The following PIR variants were observed in gnomAD, a reference collection of about 807,000 sequenced individuals.
PIR encodes the protein pirin.
PIR carries 22 observed loss-of-function variants against 24.2 expected under a neutral mutation model. That is an observed-to-expected ratio of 0.91 (90% confidence interval 0.65 to 1.30). The LOEUF is 1.30. PIR is among the 50% of genes most tolerant of loss of function. The pLI is 0.00. For synonymous variants in PIR, 80 were observed against 79.6 expected (o/e 1.00, Z -0.03); for missense variants, 220 against 220.3 (o/e 1.00, Z 0.01).
At chrX:15,404,723 A>G (rs151332440) in intron 7 of PIR, among the ~76,000 whole-genome samples, 9,548 of 111,566 alleles carry the variant, frequency 0.086, 389 homozygotes, top group Non-Finnish European at 0.13. Flanking sequence ...TTTTTCCCTG[A>G]TGATTTGTTC....
At chrX:15,417,483 C>T (rs930861473) in intron 6 of PIR, among the ~76,000 whole-genome samples, 2 of 111,667 alleles carry the variant, frequency 1.8e-5, no homozygotes, top group African/African-American at 6.5e-5. Context: ...AGCTCCTTTC[C>T]TTTTTTTTCC....
intron 8 of PIR, among the ~76,000 whole-genome samples, chrX:15,393,449 G>A (rs991058177): frequency 9.0e-6 from 1 of 111,224 alleles, no homozygotes; most frequent in African/African-American, 3.3e-5. Flanking sequence ...TGAATCTAAG[G>A]CATGGGTCCC....
chrX:15,402,231 AAAAG>A (rs1924412336), intron 7 of PIR, among the ~76,000 whole-genome samples: 1 of 111,472 alleles, frequency 9.0e-6, no homozygotes, highest in African/African-American at 3.3e-5. Flanking sequence ...TGAATGCAAA[AAAAG>A]AAAGAAAGAA....
chrX:15,408,440 A>T (rs1364628053), intron 6 of PIR, among the ~76,000 whole-genome samples: 1 of 111,714 alleles, frequency 9.0e-6, no homozygotes, highest in Non-Finnish European at 1.9e-5. Context: ...AATTGTTCAC[A>T]GTTTTTCAAG....
At chrX:15,438,621 C>T (rs183886160) in intron 5 of PIR, among the ~76,000 whole-genome samples, 284 of 112,150 alleles carry the variant, frequency 2.5e-3, no homozygotes, top group African/African-American at 7.9e-3. Flanking sequence ...CGCTCAGCCT[C>T]ATTATAGCTC....
At chrX:15,430,395 T>C (rs1469402175) in intron 5 of PIR, among the ~76,000 whole-genome samples, 1 of 112,095 alleles carries the variant, frequency 8.9e-6, no homozygotes, top group Non-Finnish European at 1.9e-5. Context: ...GCTTAAAATA[T>C]TATGGTTCAA....
chrX:15,431,862 A>G (rs935804357), intron 5 of PIR, among the ~76,000 whole-genome samples: 2 of 110,363 alleles, frequency 1.8e-5, no homozygotes, highest in African/African-American at 6.6e-5. Context: ...CTTTCATCCA[A>G]ATTGGTTTTG....
At position 15,471,641 on chromosome X, in the gene PIR, CAG is replaced by C. The variant is rs777586131; in HGVS notation, c.189+8086_189+8087del. ...GACTTTCACCTTTACCTCCACTATC[CAG>C]AGAGTCAAATCTTACTTATTGGTTA... On this transcript the variant is annotated intron_variant, in intron 3 of 9. Coordinates refer to ENST00000380420, the MANE Select transcript of PIR (RefSeq NM_001018109.3). 6.3e-5 allele frequency among the ~76,000 whole-genome samples: 7 copies of C among 111,754 alleles called. No homozygotes were observed. The South Asian group carries it at 2.6e-3, about 42-fold the overall frequency.
rs749537580 is a variant in PIR, at chrX:15,479,781, T to C, written c.137A>G (p.Lys46Arg). The C allele has an allele frequency of 1.7e-6, 2 of 1,180,711 alleles. No homozygotes were observed. The highest frequency in any genetic ancestry group is 3.5e-5 in the African/African-American group (2 of 56,425). The change falls in exon 3 of 10, where the codon AAA (lysine) becomes AGA (arginine). Residue 46 changes from lysine (K) to arginine (R), a missense_variant. By Grantham distance (26) the Lys-to-Arg change is conservative. Coordinates refer to ENST00000380420, the MANE Select transcript of PIR (RefSeq NM_001018109.3). ...AGGAAATCCTCCTGGTCTACCTCCT[T>C]TAAATTCATCAAACAGTAAAAACGG... ...LDPFLLFDEFKGGRPGGFPDH... is the reference protein window; with the variant it reads ...LDPFLLFDEFRGGRPGGFPDH...
At chrX:15,442,159 C>T (rs1274130404) in intron 5 of PIR, among the ~76,000 whole-genome samples, 3 of 110,527 alleles carry the variant, frequency 2.7e-5, no homozygotes, top group Non-Finnish European at 5.7e-5. Flanking sequence ...CATGTGCTCA[C>T]CTCACATCTC....
At position 15,472,442 on chromosome X, in the gene PIR, G is replaced by A. The variant is rs144079366; in HGVS notation, c.189+7287C>T. On this transcript the variant is annotated intron_variant, in intron 3 of 9. Transcript: ENST00000380420. Reference sequence around the variant, plus strand: ...CCAATGGATGACCGGATAACAAAATGTGGTCTATCCATACAATAGAATATC... The same window carrying A: ...CCAATGGATGACCGGATAACAAAATATGGTCTATCCATACAATAGAATATC... Among the ~76,000 whole-genome samples the A allele has an allele frequency of 2.4e-3, 270 of 111,887 alleles. 2 individuals carry two copies. Among genetic ancestry groups the A allele is most frequent in the African/African-American group, 8.5e-3 (263 of 30,795 alleles).
chrX:15,474,162 C>T (rs1922078284), intron 3 of PIR, among the ~76,000 whole-genome samples: 8 of 111,766 alleles, frequency 7.2e-5, no homozygotes, highest in Admixed American at 6.6e-4. Context: ...AGGGATGCCA[C>T]GTTGTCAGAA....
chrX:15,385,252 A>G, intron 9 of PIR, 136 bp from the exon 10 acceptor site: 1 of 388,277 alleles, frequency 2.6e-6, no homozygotes. Context: ...TTATTTTCAC[A>G]GTGTTCAATC....
In PIR at chrX:15,385,093, C is replaced by A. The variant is rs769159333; in HGVS notation, c.784G>T (p.Glu262Ter). Residue 262 changes from glutamate to a stop codon, truncating the protein, a stop_gained, in exon 10 of 10, where the codon GAA (glutamate) becomes TAA (stop). Coordinates refer to ENST00000380420, the MANE Select transcript of PIR (RefSeq NM_001018109.3). LOFTEE classifies it high-confidence loss of function. ...QHGPFVMNTN[E>*]EISQAILDFR... ...TCAAGAATAGCTTGAGAAATCTCTT[C>A]ATTGGTGTTCATCACAAATGGACCT... 1 of 1,174,554 alleles carries A rather than the reference C, an allele frequency of 8.5e-7. No homozygotes were observed. The highest frequency in any genetic ancestry group is 1.2e-6 in the Non-Finnish European group (1 of 863,474).
chrX:15,478,466 G>A (rs767016566), intron 3 of PIR: 4 of 112,127 alleles, frequency 3.6e-5, no homozygotes, highest in African/African-American at 1.3e-4. Flanking sequence ...GGAGCACAGA[G>A]TGGAGACATC....
At chrX:15,449,760 T>TTGTGTTATGTTACTAATG in intron 5 of PIR, among the ~76,000 whole-genome samples, 1 of 112,577 alleles carries the variant, frequency 8.9e-6, no homozygotes, top group Admixed American at 9.4e-5. Flanking sequence ...ATTTACTAAT[T>TTGTGTTATGTTACTAATG]TGTTTTATTT....
At chrX:15,462,918 G>A (rs1413417402) in intron 3 of PIR, among the ~76,000 whole-genome samples, 2 of 112,128 alleles carry the variant, frequency 1.8e-5, no homozygotes, top group Non-Finnish European at 3.8e-5. Flanking sequence ...AAGTGGAGAA[G>A]ACAGATACAG....
At chrX:15,453,066 T>C (rs191306059) in intron 5 of PIR, among the ~76,000 whole-genome samples, 1 of 111,823 alleles carries the variant, frequency 8.9e-6, no homozygotes, top group East Asian at 2.8e-4. Flanking sequence ...GACCCAGTCA[T>C]TCCTTGTTAA....
At chrX:15,439,637 G>T (rs779713838) in intron 5 of PIR, among the ~76,000 whole-genome samples, 1 of 111,950 alleles carries the variant, frequency 8.9e-6, no homozygotes, top group South Asian at 3.7e-4. Flanking sequence ...TAAGGGAAAA[G>T]GAAAGAAATA....
Sources: gnomAD v4.1 joint callset for allele counts (sites outside exome capture counted in the v4.1 genomes callset) on GRCh38, gnomAD v4.1.1 for gene constraint, MANE v1.5 for transcripts, NCBI Gene and HGNC (gene_info 2026-07-23, HGNC 2026-07-21) for gene names.